The following RBM17 variants were observed in gnomAD, a reference collection of about 807,000 sequenced individuals.
The protein encoded by RBM17 is RNA binding motif protein 17.
Under a neutral mutation model 53.2 loss-of-function variants are expected in RBM17, and 7 were observed. The ratio of observed to expected loss-of-function variants is 0.13; its 90% CI spans 0.07 to 0.25. The LOEUF is 0.25. RBM17 is among the 10% of genes least tolerant of loss of function. The pLI is 1.00. For missense variants in RBM17, 257 were observed against 496.7 expected (o/e 0.52, Z 4.59); for synonymous variants, 167 against 178.1 (o/e 0.94, Z 0.50).
chr10:6,095,133 A>C (rs558627858), intron 1 of RBM17, among the ~76,000 whole-genome samples: 1 of 152,280 alleles, frequency 6.6e-6, no homozygotes, highest in South Asian at 2.1e-4. Flanking sequence ...GACATCCCCA[A>C]GTTCCTGAAA....
At chr10:6,108,809 A>G (rs1588349927) in intron 6 of RBM17, 67 bp downstream of exon 6, 4 of 1,251,086 alleles carry the variant, frequency 3.2e-6, no homozygotes, top group Non-Finnish European at 4.6e-6. Context: ...GGGGGATCTC[A>G]GCTTGGGCCC....
intron 3 of RBM17, among the ~76,000 whole-genome samples, chr10:6,103,673 T>G (rs1483354386): frequency 6.6e-6 from 1 of 152,222 alleles, no homozygotes; most frequent in Non-Finnish European, 1.5e-5. Flanking sequence ...TTTTCCTAAT[T>G]GCTCTTATTC....
rs139909299 is a variant in RBM17, at chr10:6,114,787, C to T, written c.1030-452C>T. The T allele has an allele frequency of 3.2e-3, 514 of 162,728 alleles. 1 individual carries two copies. Among genetic ancestry groups the T allele is most frequent in the African/African-American group, 0.012 (483 of 41,650 alleles). 10.1% of individuals were successfully genotyped at this position (162,728 alleles called of 1,614,324 possible). A position where few individuals can be genotyped will look rare whatever the true frequency, so the allele number is the denominator to read the frequency against. ...GGACTACCAAAATGGAATGGATGGG[C>T]CTGTTGGGGATTAGCAGAAGTGCTT... On this transcript the variant is annotated intron_variant, in intron 10 of 11. Coordinates refer to ENST00000379888, the MANE Select transcript of RBM17 (RefSeq NM_032905.5).
At chr10:6,090,389 G>A (rs1053960352) in intron 1 of RBM17, among the ~76,000 whole-genome samples, 2 of 152,184 alleles carry the variant, frequency 1.3e-5, no homozygotes, top group African/African-American at 4.8e-5. Context: ...GGAATATGGG[G>A]TAACAGTTTA....
chr10:6,106,338 A>C, intron 5 of RBM17, 100 bp downstream of exon 5: 1 of 761,126 alleles, frequency 1.3e-6, no homozygotes, highest in South Asian at 1.8e-5. Flanking sequence ...TTCATTTGAC[A>C]TTGATTTGGG....
intron 6 of RBM17, among the ~76,000 whole-genome samples, chr10:6,109,147 C>T (rs545061486): frequency 5.9e-5 from 9 of 152,184 alleles, no homozygotes; most frequent in South Asian, 4.1e-4. Flanking sequence ...TTTTTCTTCC[C>T]GTTCCATTTC....
intron 7 of RBM17, among the ~76,000 whole-genome samples, chr10:6,111,491 C>T (rs941364668): frequency 6.6e-6 from 1 of 152,186 alleles, no homozygotes; most frequent in Non-Finnish European, 1.5e-5. Context: ...AGGTGCACAC[C>T]ATCATGCCCA....
At chr10:6,104,159 G>C (rs940239669) in intron 3 of RBM17, among the ~76,000 whole-genome samples, 1 of 150,474 alleles carries the variant, frequency 6.6e-6, no homozygotes, top group African/African-American at 2.4e-5. Flanking sequence ...TGCCAGCCTA[G>C]GGTAAAGTTC....
intron 9 of RBM17, 140 bp from the exon 10 acceptor site, chr10:6,113,909 G>A: frequency 1.6e-6 from 1 of 623,764 alleles, no homozygotes; most frequent in Non-Finnish European, 2.8e-6. Context: ...ACTAACTTTT[G>A]GGTACTTTGG....
At chr10:6,100,708 A>G (rs1269089602) in intron 2 of RBM17, among the ~76,000 whole-genome samples, 2 of 152,160 alleles carry the variant, frequency 1.3e-5, no homozygotes, top group Non-Finnish European at 2.9e-5. Flanking sequence ...TTTTTGGGAT[A>G]TCTTGGAGAA....
At chr10:6,104,371 C>T (rs952775643) in intron 3 of RBM17, among the ~76,000 whole-genome samples, 1 of 152,184 alleles carries the variant, frequency 6.6e-6, no homozygotes, top group East Asian at 1.9e-4. Flanking sequence ...ATTACATCCC[C>T]TTGTGTCAAA....
At chr10:6,108,860 GCCTGGCTCTGTCACCTGAGGCCGCA>G in intron 6 of RBM17, 118 bp downstream of exon 6, 59 of 420,082 alleles carry the variant, frequency 1.4e-4, no homozygotes, top group Non-Finnish European at 2.1e-4. Context: ...CTGCAAGCCT[GCCTGGCTCTGTCACCTGAGGCCGCA>G]CCTGGATCTC....
intron 10 of RBM17, 87 bp downstream of exon 10, chr10:6,114,234 A>G (rs1386375932): frequency 2.7e-6 from 2 of 736,766 alleles, no homozygotes; most frequent in Admixed American, 2.3e-5. Flanking sequence ...AGGGTATGCT[A>G]TAAGTAACAT....
At chr10:6,109,046 C>G (rs757544120) in intron 6 of RBM17, among the ~76,000 whole-genome samples, 2 of 151,382 alleles carry the variant, frequency 1.3e-5, no homozygotes, top group Non-Finnish European at 3.0e-5. Flanking sequence ...GGAGTTAAAA[C>G]AGCAGATCGT....
intron 3 of RBM17, among the ~76,000 whole-genome samples, chr10:6,102,756 T>G (rs1422930812): frequency 6.6e-6 from 1 of 152,204 alleles, no homozygotes; most frequent in Non-Finnish European, 1.5e-5. Context: ...CCACCTAGAT[T>G]TGCTTTTACA....
At position 6,112,710 on chromosome 10, in the gene RBM17, A is replaced by G. The variant is rs1406736957; in HGVS notation, c.856+349A>G. On this transcript the variant is annotated intron_variant, in intron 8 of 11. Coordinates refer to ENST00000379888, the MANE Select transcript of RBM17 (RefSeq NM_032905.5). This position sits in a 1 kb window ranked among gnomAD's most constrained non-coding sequence, Gnocchi z 4.4. Reference sequence around the variant, plus strand: ...TTTAGAGCATGAAGGACAGAGCCATATAGTGTGGCAGTGAATATACCTGCT... The same window carrying G: ...TTTAGAGCATGAAGGACAGAGCCATGTAGTGTGGCAGTGAATATACCTGCT... The G allele has an allele frequency of 1.1e-5, 4 of 350,228 alleles. No homozygotes were observed. The highest frequency in any genetic ancestry group is 4.1e-5 in the Admixed American group (1 of 24,326). 21.7% of individuals were successfully genotyped at this position (350,228 alleles called of 1,614,324 possible). A position where few individuals can be genotyped will look rare whatever the true frequency, so the allele number is the denominator to read the frequency against.
At chr10:6,105,905 G>T (rs1840741764) in intron 4 of RBM17, among the ~76,000 whole-genome samples, 1 of 151,710 alleles carries the variant, frequency 6.6e-6, no homozygotes, top group African/African-American at 2.4e-5. Flanking sequence ...TTTTTTTCAT[G>T]CTGGTTGCTC....
chr10:6,096,934 T>G (rs1227804699), intron 1 of RBM17, 114 bp from the exon 2 acceptor site: 1 of 849,364 alleles, frequency 1.2e-6, no homozygotes, highest in Admixed American at 2.6e-5. Flanking sequence ...CCTGGGCCTC[T>G]GTTGCTGAAA....
intron 2 of RBM17, among the ~76,000 whole-genome samples, chr10:6,100,589 A>G (rs1313286958): frequency 3.3e-5 from 5 of 152,134 alleles, no homozygotes. Context: ...GGTGATGATG[A>G]TGATGGGGAA....
Sources: gnomAD v4.1 joint callset for allele counts (sites outside exome capture counted in the v4.1 genomes callset) on GRCh38, gnomAD v4.1.1 for gene constraint, Gnocchi (gnomAD v3.1) non-coding constraint, MANE v1.5 for transcripts, NCBI Gene and HGNC (gene_info 2026-07-23, HGNC 2026-07-21) for gene names.